CADM2: variants seen among roughly 807,000 people sequenced by gnomAD.
The protein encoded by CADM2 is immunoglobulin superfamily member 4D.
A neutral mutation model predicts 49.8 loss-of-function variants in CADM2; 12 were observed. The ratio of observed to expected loss-of-function variants is 0.24; its 90% CI spans 0.15 to 0.39. The LOEUF is 0.39. Among genes scored for constraint, CADM2 ranks in the 10% least tolerant of loss-of-function variants. The pLI, the probability that CADM2 is intolerant of heterozygous loss-of-function variation, is 1.00. For synonymous variants in CADM2, 214 were observed against 175.4 expected (o/e 1.22, Z -1.74); for missense variants, 378 against 492.3 (o/e 0.77, Z 2.20).
chr3:85,034,790 C>CTTTTTTTATTTTTTTTTTTTTTTTTTT (rs2035139093), intron 1 of CADM2, among the ~76,000 whole-genome samples: 1 of 84,098 alleles, frequency 1.2e-5, no homozygotes, highest in East Asian at 3.7e-4. Context: ...AGACATTTTG[C>CTTTTTTTATTTTTTTTTTTTTTTTTTT]TTTTTTTTTT....
At chr3:85,326,365 C>T (rs1178713102) in intron 1 of CADM2, among the ~76,000 whole-genome samples, 3 of 151,972 alleles carry the variant, frequency 2.0e-5, no homozygotes, top group African/African-American at 4.8e-5. Flanking sequence ...GGTCAGAAAA[C>T]AGCAGGTATT....
At chr3:85,954,715 A>G (rs571641750) in intron 7 of CADM2, among the ~76,000 whole-genome samples, 3 of 151,254 alleles carry the variant, frequency 2.0e-5, no homozygotes, top group Non-Finnish European at 4.5e-5. Flanking sequence ...TAAATCTTTT[A>G]CTTGAACAAT....
At chr3:85,219,877 A>G (rs1216082623) in intron 1 of CADM2, among the ~76,000 whole-genome samples, 1 of 152,182 alleles carries the variant, frequency 6.6e-6, no homozygotes, top group Admixed American at 6.5e-5. Context: ...TTTTCATAAT[A>G]CAACTGCATA....
chr3:85,702,723 G>A (rs776598365), intron 1 of CADM2, among the ~76,000 whole-genome samples: 10 of 151,884 alleles, frequency 6.6e-5, no homozygotes, highest in South Asian at 4.1e-4. Context: ...GAAATCTCCC[G>A]AAGAGGAAAA....
At chr3:85,575,055 C>A (rs1658163256) in intron 1 of CADM2, among the ~76,000 whole-genome samples, 1 of 152,072 alleles carries the variant, frequency 6.6e-6, no homozygotes, top group Non-Finnish European at 1.5e-5. Flanking sequence ...TAGTTAGTGG[C>A]CCCTCCTTCC....
intron 6 of CADM2, 76 bp downstream of exon 6, chr3:85,912,619 T>C: frequency 7.1e-7 from 1 of 1,418,440 alleles, no homozygotes; most frequent in Non-Finnish European, 9.7e-7. Context: ...ATTTCAAAAC[T>C]ACCTGAAGTT....
chr3:85,119,900 A>G (rs1374121702), intron 1 of CADM2, among the ~76,000 whole-genome samples: 1 of 152,264 alleles, frequency 6.6e-6, no homozygotes, highest in East Asian at 1.9e-4. Flanking sequence ...TGAACAGGCA[A>G]CCTACGGAAT....
At chr3:85,580,349 A>G (rs958408393) in intron 1 of CADM2, among the ~76,000 whole-genome samples, 1 of 152,170 alleles carries the variant, frequency 6.6e-6, no homozygotes, top group Non-Finnish European at 1.5e-5. Context: ...TAAGAAGAAG[A>G]AATAACCTTT....
At chr3:85,199,375 G>GAGAGAGAGAGAGAGAGAGAC (rs1250954339) in intron 1 of CADM2, among the ~76,000 whole-genome samples, 2 of 149,568 alleles carry the variant, frequency 1.3e-5, no homozygotes, top group African/African-American at 4.9e-5. Flanking sequence ...GTGTATGAGA[G>GAGAGAGAGAGAGAGAGAGAC]AGAGAGAGAG....
chr3:85,199,164 T>C (rs996728114), intron 1 of CADM2, among the ~76,000 whole-genome samples: 1 of 152,038 alleles, frequency 6.6e-6, no homozygotes, highest in African/African-American at 2.4e-5. Flanking sequence ...ACATTTTTAA[T>C]ATGCACTGTA....
chr3:85,959,915 C>T (rs1053489509), intron 7 of CADM2, among the ~76,000 whole-genome samples: 3 of 151,796 alleles, frequency 2.0e-5, no homozygotes, highest in Admixed American at 6.6e-5. Context: ...CAGGCTATAT[C>T]CTCATAGTTA....
chr3:85,642,954 G>A (rs1393869273), intron 1 of CADM2, among the ~76,000 whole-genome samples: 1 of 152,076 alleles, frequency 6.6e-6, no homozygotes, highest in Non-Finnish European at 1.5e-5. Flanking sequence ...GTCTTCTCTT[G>A]TTGAATTTAA....
chr3:86,052,906 A>G (rs957315992), intron 8 of CADM2, among the ~76,000 whole-genome samples: 1 of 152,154 alleles, frequency 6.6e-6, no homozygotes, highest in Non-Finnish European at 1.5e-5. Context: ...ACAAACATGC[A>G]CACAACTATT....
At chr3:85,312,345 T>C (rs1032771637) in intron 1 of CADM2, among the ~76,000 whole-genome samples, 4 of 152,176 alleles carry the variant, frequency 2.6e-5, no homozygotes, top group African/African-American at 9.7e-5. Flanking sequence ...CTTGTTGTGC[T>C]ATGTGGTTGA....
At chr3:85,383,123 T>C in intron 1 of CADM2, among the ~76,000 whole-genome samples, 1 of 152,198 alleles carries the variant, frequency 6.6e-6, no homozygotes, top group Non-Finnish European at 1.5e-5. Context: ...ACCTCCAAGC[T>C]GTAAACAATC....
rs530755937 is a variant in CADM2 at position 85,926,054 on chromosome 3, A to G, written c.701-9713A>G. 2.1e-4 allele frequency among the ~76,000 whole-genome samples: 32 copies of G among 151,836 alleles called. 1 individual carries two copies. Among genetic ancestry groups the G allele is most frequent in the South Asian group, 1.5e-3 (7 of 4,802 alleles). ...CGGGAGGCTGAGGCAGGAGAATGGC[A>G]TGAACCCGGGAGGAGGAGCTTGCAG... On this transcript the variant is annotated intron_variant, in intron 6 of 9. Transcript: ENST00000383699.
chr3:85,807,507 A>T (rs2072518324), intron 3 of CADM2, among the ~76,000 whole-genome samples: 1 of 149,300 alleles, frequency 6.7e-6, no homozygotes, highest in Admixed American at 6.6e-5. Flanking sequence ...CTCAAAAAAA[A>T]AAAAAAAAAA....
intron 1 of CADM2, among the ~76,000 whole-genome samples, chr3:85,024,853 C>G (rs937358648): frequency 1.3e-5 from 2 of 151,894 alleles, no homozygotes; most frequent in African/African-American, 2.4e-5. Flanking sequence ...ATACAATAGT[C>G]TCATTCAAAG....
intron 1 of CADM2, among the ~76,000 whole-genome samples, chr3:85,542,104 C>T (rs1375790706): frequency 6.6e-6 from 1 of 151,890 alleles, no homozygotes; most frequent in African/African-American, 2.4e-5. Flanking sequence ...TTTAAAAATC[C>T]TTAAGATGCC....
Sources: gnomAD v4.1 joint callset for allele counts (sites outside exome capture counted in the v4.1 genomes callset) on GRCh38, gnomAD v4.1.1 for gene constraint, MANE v1.5 for transcripts, NCBI Gene and HGNC (gene_info 2026-07-23, HGNC 2026-07-21) for gene names.